The following SLIT1 variants were observed in gnomAD, a reference collection of about 807,000 sequenced individuals.
SLIT1 encodes slit homolog 1 protein.
SLIT1 carries 66 observed loss-of-function variants against 186.1 expected under a neutral mutation model. The observed-to-expected ratio is 0.35, with a 90% CI of 0.29 to 0.44. The LOEUF (loss-of-function observed/expected upper bound fraction) is 0.44. Ranked by LOEUF, SLIT1 falls within the 20% of genes least tolerant of loss-of-function variation. The pLI is 1.00. For missense variants in SLIT1, 1,638 were observed against 2,037.4 expected, an observed-to-expected ratio of 0.80 and a Z score of 3.77; for synonymous variants, 761 against 833.8, an observed-to-expected ratio of 0.91 and a Z score of 1.50.
At position 97,010,678 on chromosome 10, in the gene SLIT1, A is replaced by T. The variant is rs1848402730; in HGVS notation, c.3341+315T>A. ...CCAGGGGAGCCCAGTGGGCTGGTAG[A>T]TAATCTTTGGGGCAAGACATGTCTT... On this transcript the variant is annotated intron_variant, in intron 31 of 36. Transcript: ENST00000266058. This position sits in a 1 kb window ranked among gnomAD's most constrained non-coding sequence, Gnocchi z 4.8. Among the ~76,000 whole-genome samples the T allele has an allele frequency of 6.6e-6, 1 of 152,094 alleles. No homozygotes were observed. Among genetic ancestry groups the T allele is most frequent in the Non-Finnish European group, 1.5e-5 (1 of 67,994 alleles).
At chr10:97,116,432 G>A (rs1195466202) in intron 4 of SLIT1, among the ~76,000 whole-genome samples, 4 of 152,150 alleles carry the variant, frequency 2.6e-5, no homozygotes, top group African/African-American at 9.7e-5. Flanking sequence ...AGCTTCCCCA[G>A]AGGAGGGAAG....
In SLIT1 at chr10:97,043,709, G is replaced by A. The variant is rs573160264; in HGVS notation, c.1854-196C>T. On this transcript the variant is annotated intron_variant, in intron 18 of 36. Coordinates refer to ENST00000266058, the MANE Select transcript of SLIT1 (RefSeq NM_003061.3). This position sits in a 1 kb window ranked among gnomAD's most constrained non-coding sequence, Gnocchi z 7.0. The stretch of plus-strand genomic sequence containing the variant: ...ACACACCTGTGCCCACTCCAGACCC[G>A]CCCCCGCCTCTGAGAAGCCTCGAGG... Among the ~76,000 whole-genome samples, 2 of 151,906 alleles carry A rather than the reference G, an allele frequency of 1.3e-5. No individual in the cohort carries two copies. Among genetic ancestry groups the A allele is most frequent in the African/African-American group, 4.8e-5 (2 of 41,458 alleles).
At chr10:97,026,175 T>C (rs1848543672) in intron 25 of SLIT1, among the ~76,000 whole-genome samples, 2 of 152,190 alleles carry the variant, frequency 1.3e-5, no homozygotes, top group African/African-American at 4.8e-5. Flanking sequence ...TAATAAGGTA[T>C]AGTGTTGGCC....
intron 1 of SLIT1, among the ~76,000 whole-genome samples, chr10:97,170,699 C>T (rs1056027861): frequency 6.6e-6 from 1 of 152,236 alleles, no homozygotes; most frequent in African/African-American, 2.4e-5. Context: ...CTGTGTGGTC[C>T]TAGCCTGAAA....
At chr10:97,090,695 G>C (rs1849221549) in intron 4 of SLIT1, among the ~76,000 whole-genome samples, 1 of 152,210 alleles carries the variant, frequency 6.6e-6, no homozygotes, top group South Asian at 2.1e-4. Flanking sequence ...GGTGGAAAAG[G>C]GCGGAAGAGG....
chr10:97,092,620 T>A (rs1174739396), intron 4 of SLIT1, among the ~76,000 whole-genome samples: 3 of 152,210 alleles, frequency 2.0e-5, no homozygotes, highest in Non-Finnish European at 4.4e-5. Flanking sequence ...TATCACCTCC[T>A]TGAAGCAGGG....
chr10:97,110,952 C>T (rs778199316), intron 4 of SLIT1, among the ~76,000 whole-genome samples: 11 of 152,144 alleles, frequency 7.2e-5, no homozygotes, highest in Non-Finnish European at 1.3e-4. Context: ...CCTGTAATCC[C>T]AGCACTTTGG....
intron 4 of SLIT1, among the ~76,000 whole-genome samples, chr10:97,096,251 T>C (rs1256423331): frequency 6.6e-6 from 1 of 152,180 alleles, no homozygotes; most frequent in Non-Finnish European, 1.5e-5. Context: ...ATGTCACTTG[T>C]TTTTTTAATC....
At chr10:97,066,120 C>T (rs767670730) in intron 4 of SLIT1, 34 bp from the exon 5 acceptor site, 29 of 1,533,496 alleles carry the variant, frequency 1.9e-5, no homozygotes, top group African/African-American at 5.4e-5. Context: ...GAGAAAACAC[C>T]GGTCAGAAAA....
chr10:97,053,015 C>T (rs922015496), intron 13 of SLIT1, among the ~76,000 whole-genome samples: 1 of 152,050 alleles, frequency 6.6e-6, no homozygotes, highest in African/African-American at 2.4e-5. Flanking sequence ...TTGGTGATGG[C>T]GAAGAGATGC....
At chr10:97,110,112 G>C (rs1215261349) in intron 4 of SLIT1, among the ~76,000 whole-genome samples, 1 of 152,206 alleles carries the variant, frequency 6.6e-6, no homozygotes, top group Non-Finnish European at 1.5e-5. Context: ...TTCTCTGCCT[G>C]TCATGGAATG....
intron 23 of SLIT1, 89 bp from the exon 24 acceptor site, chr10:97,031,766 C>T: frequency 2.0e-6 from 2 of 1,009,866 alleles, no homozygotes; most frequent in Non-Finnish European, 3.0e-6. Context: ...AGGTCCCTCT[C>T]ACCCAGCAGC....
intron 4 of SLIT1, chr10:97,153,146 G>C (rs1365200077): frequency 2.6e-5 from 4 of 152,172 alleles, no homozygotes; most frequent in Non-Finnish European, 5.9e-5. Flanking sequence ...CCCCTAGAAG[G>C]CCTGGTGTCT....
intron 31 of SLIT1, among the ~76,000 whole-genome samples, chr10:97,007,435 T>A (rs999258726): frequency 6.6e-6 from 1 of 152,176 alleles, no homozygotes; most frequent in Non-Finnish European, 1.5e-5. Context: ...TTCTAACTCA[T>A]TCTATGAGAC....
chr10:97,036,287 T>C (rs1419389835), intron 22 of SLIT1, among the ~76,000 whole-genome samples: 1 of 152,216 alleles, frequency 6.6e-6, no homozygotes, highest in African/African-American at 2.4e-5. Flanking sequence ...GTGGTGGTAC[T>C]TCAGCCCCCA....
At chr10:97,178,702 A>C (rs1850288736) in intron 1 of SLIT1, among the ~76,000 whole-genome samples, 1 of 152,130 alleles carries the variant, frequency 6.6e-6, no homozygotes, top group African/African-American at 2.4e-5. Context: ...TAAAGGAAAA[A>C]AGTTTCAACG....
At chr10:97,086,792 G>A (rs1199690175) in intron 4 of SLIT1, among the ~76,000 whole-genome samples, 1 of 152,080 alleles carries the variant, frequency 6.6e-6, no homozygotes, top group East Asian at 1.9e-4. Flanking sequence ...GGACTTTTAG[G>A]GCAGGGGAAC....
intron 1 of SLIT1, among the ~76,000 whole-genome samples, chr10:97,176,983 G>A (rs1327385113): frequency 1.3e-5 from 2 of 152,194 alleles, no homozygotes; most frequent in Non-Finnish European, 2.9e-5. Flanking sequence ...GCACCAAGCA[G>A]TATTTCTTAA....
At chr10:97,162,103 C>A (rs985960224) in intron 3 of SLIT1, among the ~76,000 whole-genome samples, 1 of 152,200 alleles carries the variant, frequency 6.6e-6, no homozygotes, top group African/African-American at 2.4e-5. Flanking sequence ...ATCCACCACT[C>A]ACTATAATGA....
Sources: allele counts gnomAD v4.1 joint callset (sites outside exome capture counted in the v4.1 genomes callset), GRCh38; gene constraint gnomAD v4.1.1; non-coding constraint Gnocchi (gnomAD v3.1); transcripts MANE v1.5; gene names NCBI Gene and HGNC (gene_info 2026-07-23, HGNC 2026-07-21).